Variants in DNAH14 observed in about 807,000 individuals in gnomAD.
The protein encoded by DNAH14 is dynein axonemal heavy chain 14, also known as axonemal beta dynein heavy chain 14.
Under a neutral mutation model 520.9 loss-of-function variants are expected in DNAH14, and 478 were observed. The observed-to-expected ratio is 0.92, with a 90% CI of 0.85 to 0.99. The LOEUF is 0.99. Among genes scored for constraint, DNAH14 ranks in the 50% least tolerant of loss-of-function variants. DNAH14 has a pLI of 0.00. For synonymous variants in DNAH14, 1,581 were observed against 1,757.2 expected, an observed-to-expected ratio of 0.90 and a Z score of 2.51; for missense variants, 4,831 against 5,234.5, an observed-to-expected ratio of 0.92 and a Z score of 2.38.
chr1:225,321,561 TG>T (rs1009815564), intron 61 of DNAH14, among the ~76,000 whole-genome samples: 1 of 152,186 alleles, frequency 6.6e-6, no homozygotes, highest in African/African-American at 2.4e-5. Flanking sequence ...TTTCACTTGG[TG>T]AGGCTCATTA....
intron 9 of DNAH14, among the ~76,000 whole-genome samples, chr1:225,005,224 T>G (rs536469427): frequency 6.6e-5 from 10 of 152,246 alleles, no homozygotes; most frequent in African/African-American, 2.4e-4. Flanking sequence ...TTGAGCAGTA[T>G]TTGGGTGCTT....
intron 26 of DNAH14, among the ~76,000 whole-genome samples, chr1:225,122,457 G>A (rs1198168691): frequency 2.0e-5 from 3 of 152,112 alleles, no homozygotes; most frequent in African/African-American, 7.2e-5. Context: ...CTCTAGGTCA[G>A]CACGTTTTAA....
intron 31 of DNAH14, among the ~76,000 whole-genome samples, chr1:225,149,099 G>A (rs1184152064): frequency 2.0e-5 from 3 of 152,148 alleles, no homozygotes; most frequent in Non-Finnish European, 4.4e-5. Context: ...TTACATTTAA[G>A]TCTTTAATCC....
At chr1:225,391,672 G>C (rs1172688116) in intron 83 of DNAH14, among the ~76,000 whole-genome samples, 1 of 152,132 alleles carries the variant, frequency 6.6e-6, no homozygotes, top group Non-Finnish European at 1.5e-5. Flanking sequence ...GGCTTGGAAA[G>C]CTGGGTGGCT....
intron 83 of DNAH14, among the ~76,000 whole-genome samples, chr1:225,391,269 G>C (rs1014762210): frequency 6.6e-6 from 1 of 152,118 alleles, no homozygotes; most frequent in Non-Finnish European, 1.5e-5. Context: ...AGAAGGGCAG[G>C]GGTACATTGG....
chr1:224,943,570 C>A (rs2059578168), intron 1 of DNAH14, among the ~76,000 whole-genome samples: 1 of 152,152 alleles, frequency 6.6e-6, no homozygotes, highest in South Asian at 2.1e-4. Flanking sequence ...TTCTCTAGTT[C>A]TTTTAATTGC....
chr1:225,100,996 G>T (rs540089731), intron 23 of DNAH14, 112 bp downstream of exon 23: 1 of 888,670 alleles, frequency 1.1e-6, no homozygotes, highest in African/African-American at 1.8e-5. Flanking sequence ...CTTTATTCTA[G>T]CTGCCAACAA....
chr1:225,391,891 T>G (rs1346610253), intron 83 of DNAH14, among the ~76,000 whole-genome samples: 1 of 152,128 alleles, frequency 6.6e-6, no homozygotes, highest in East Asian at 1.9e-4. Context: ...CATATGTCAT[T>G]TCTTGAGGAA....
At chr1:225,147,046 G>C (rs1035086192) in intron 30 of DNAH14, 58 bp from the exon 31 acceptor site, 10 of 1,342,564 alleles carry the variant, frequency 7.4e-6, no homozygotes, top group Non-Finnish European at 1.0e-5. Context: ...TAATATCCCA[G>C]TAAATTTTCT....
intron 66 of DNAH14, among the ~76,000 whole-genome samples, chr1:225,336,008 TA>T (rs2095035442): frequency 1.0e-5 from 1 of 95,738 alleles, no homozygotes; most frequent in African/African-American, 3.2e-5. Context: ...CATATATGTA[TA>T]CGCATATATG....
rs201578812 is a variant in DNAH14 at position 224,967,678 on chromosome 1, A to G, written c.651+95A>G. On this transcript the variant is annotated intron_variant, in intron 6 of 85. Coordinates refer to ENST00000682510, the MANE Select transcript of DNAH14 (RefSeq NM_001367479.1). Reference sequence around the variant, plus strand: ...TTGCATACATTTATCTTTGTGTTTCAGAGATACTTGGTCATTTGTGGAGCA... The same window carrying G: ...TTGCATACATTTATCTTTGTGTTTCGGAGATACTTGGTCATTTGTGGAGCA... The G allele has an allele frequency of 3.9e-5, 63 of 1,598,888 alleles. No homozygotes were observed. In the African/African-American group the frequency reaches 6.9e-4, roughly 17 times the overall value.
chr1:225,223,140 A>G (rs2090210641), intron 41 of DNAH14, among the ~76,000 whole-genome samples: 1 of 152,168 alleles, frequency 6.6e-6, no homozygotes, highest in African/African-American at 2.4e-5. Flanking sequence ...GAAAAGGGAT[A>G]CACTACAGCT....
chr1:224,949,728 T>G (rs2060052930), intron 1 of DNAH14, among the ~76,000 whole-genome samples: 1 of 152,172 alleles, frequency 6.6e-6, no homozygotes, highest in Non-Finnish European at 1.5e-5. Flanking sequence ...CTCTGATACT[T>G]TGGAAGGTTC....
intron 41 of DNAH14, among the ~76,000 whole-genome samples, chr1:225,210,724 G>A (rs1361793301): frequency 1.3e-5 from 2 of 152,158 alleles, no homozygotes; most frequent in South Asian, 2.1e-4. Context: ...CTCCCAGCAG[G>A]GGCCAACAAA....
intron 17 of DNAH14, among the ~76,000 whole-genome samples, chr1:225,065,699 A>G (rs935986248): frequency 6.6e-6 from 1 of 152,046 alleles, no homozygotes; most frequent in African/African-American, 2.4e-5. Flanking sequence ...TGACAGAATG[A>G]ATTTCTTTTT....
At chr1:225,069,554 C>G (rs776195038) in intron 17 of DNAH14, among the ~76,000 whole-genome samples, 2 of 152,068 alleles carry the variant, frequency 1.3e-5, no homozygotes, top group African/African-American at 2.4e-5. Flanking sequence ...GGGATGAAGC[C>G]TACTTGATCA....
At chr1:225,344,917 G>T (rs1201324831) in intron 69 of DNAH14, among the ~76,000 whole-genome samples, 1 of 152,102 alleles carries the variant, frequency 6.6e-6, no homozygotes, top group African/African-American at 2.4e-5. Flanking sequence ...TTTTCACCAT[G>T]TTGGCCAGGA....
Position 225,085,857 on chromosome 1 carries a change from C to T in DNAH14, c.3573+68C>T, listed in dbSNP as rs959305498. On this transcript the variant is annotated intron_variant, in intron 21 of 85. Coordinates refer to ENST00000682510, the MANE Select transcript of DNAH14 (RefSeq NM_001367479.1). ...TTTTATTTATTATTTCAATCTTTTG[C>T]GGTCTACAGTTTGCCTTTGAATTGT... 72 of 1,427,068 alleles carry T rather than the reference C, an allele frequency of 5.0e-5. 1 individual carries two copies. The highest frequency in any genetic ancestry group is 1.2e-4 in the African/African-American group (8 of 69,144). 88.4% of individuals were successfully genotyped at this position (1,427,068 alleles called of 1,614,324 possible).
At chr1:224,939,518 T>G (rs116496083) in intron 1 of DNAH14, among the ~76,000 whole-genome samples, 1 of 151,806 alleles carries the variant, frequency 6.6e-6, no homozygotes, top group East Asian at 1.9e-4. Flanking sequence ...AAAATAAATT[T>G]AAAAAAACAC....
Sources: gnomAD v4.1 joint callset for allele counts (sites outside exome capture counted in the v4.1 genomes callset) on GRCh38, gnomAD v4.1.1 for gene constraint, MANE v1.5 for transcripts, NCBI Gene and HGNC (gene_info 2026-07-23, HGNC 2026-07-21) for gene names.